The following PDE12 variants were observed in gnomAD, a reference collection of about 807,000 sequenced individuals.
PDE12 encodes 2',5'-phosphodiesterase 12.
In PDE12, 26 loss-of-function variants were observed where a neutral mutation model predicts 45.4. That is an observed-to-expected ratio of 0.57 (90% CI 0.42 to 0.79). The LOEUF is 0.79. Ranked by LOEUF, PDE12 falls within the 30% of genes least tolerant of loss-of-function variation. PDE12 has a pLI of 0.00. For synonymous variants in PDE12, 283 were observed against 323.9 expected (o/e 0.87, Z 1.36); for missense variants, 668 against 790.0 (o/e 0.85, Z 1.85).
chr3:57,624,236 C>T, the PDE12 span, among the ~76,000 whole-genome samples: 23 of 151,908 alleles, frequency 1.5e-4, no homozygotes, highest in Non-Finnish European at 2.8e-4. Context: ...CTGCAAGCTC[C>T]GCCTCCCAGG....
the PDE12 span, among the ~76,000 whole-genome samples, chr3:57,630,188 T>G: frequency 6.6e-6 from 1 of 152,150 alleles, no homozygotes; most frequent in East Asian, 1.9e-4. Flanking sequence ...GCCAAAAGTT[T>G]CCCATGATGC....
At chr3:57,619,777 G>A in the PDE12 span, among the ~76,000 whole-genome samples, 24,614 of 151,976 alleles carry the variant, frequency 0.16, 2,662 homozygotes, top group East Asian at 0.48. Flanking sequence ...TTAAACCCGG[G>A]AGGCAGAGGT....
the PDE12 span, chr3:57,627,860 T>C: frequency 5.6e-6 from 1 of 177,648 alleles, no homozygotes; most frequent in African/African-American, 2.4e-5. Context: ...TTTAACATGA[T>C]TGGGCAAAGC....
chr3:57,651,069 C>G, the PDE12 span, among the ~76,000 whole-genome samples: 1 of 152,202 alleles, frequency 6.6e-6, no homozygotes, highest in South Asian at 2.1e-4. Context: ...CAGGCGTGAG[C>G]CACTGCACCT....
At chr3:57,600,529 G>C in the PDE12 span, among the ~76,000 whole-genome samples, 7 of 144,804 alleles carry the variant, frequency 4.8e-5, no homozygotes, top group Non-Finnish European at 1.0e-4. Flanking sequence ...CTCCCAAGTA[G>C]CTGGGACCAC....
chr3:57,595,564 C>T, the PDE12 span, among the ~76,000 whole-genome samples: 1 of 152,202 alleles, frequency 6.6e-6, no homozygotes, highest in African/African-American at 2.4e-5. Context: ...GGAAAATAAA[C>T]ATGAGCCAAT....
the PDE12 span, among the ~76,000 whole-genome samples, chr3:57,588,906 C>G: frequency 6.6e-6 from 1 of 152,248 alleles, no homozygotes; most frequent in African/African-American, 2.4e-5. Context: ...AATTAGAGAC[C>G]AGCCTGACCA....
chr3:57,596,988 G>A, the PDE12 span: 1 of 1,429,364 alleles, frequency 7.0e-7, no homozygotes, highest in East Asian at 2.4e-5. Flanking sequence ...ACAGCGGGCG[G>A]AGGAAAAAAA....
chr3:57,599,582 G>A, the PDE12 span, among the ~76,000 whole-genome samples: 3 of 152,082 alleles, frequency 2.0e-5, no homozygotes, highest in South Asian at 2.1e-4. Flanking sequence ...AAAATAAATC[G>A]AAAGAATTCT....
the PDE12 span, among the ~76,000 whole-genome samples, chr3:57,642,085 C>T: frequency 1.3e-5 from 2 of 151,890 alleles, no homozygotes; most frequent in Non-Finnish European, 2.9e-5. Flanking sequence ...GAGGCTGAGG[C>T]GGGCAGATCA....
chr3:57,580,736 C>A, the PDE12 span, among the ~76,000 whole-genome samples: 1 of 151,402 alleles, frequency 6.6e-6, no homozygotes, highest in African/African-American at 2.4e-5. Flanking sequence ...CTAAAAGGGA[C>A]CTAATTTTAT....
chr3:57,626,901 G>C, the PDE12 span: 1 of 152,378 alleles, frequency 6.6e-6, no homozygotes, highest in Non-Finnish European at 1.5e-5. Flanking sequence ...AACAATAGTA[G>C]GAAAAGTGTT....
At chr3:57,610,953 G>A in the PDE12 span, among the ~76,000 whole-genome samples, 20,491 of 152,066 alleles carry the variant, frequency 0.13, 1,485 homozygotes, top group South Asian at 0.22. Flanking sequence ...AAAGAACAAA[G>A]CTGGAGGCAT....
chr3:57,581,555 C>A, the PDE12 span, among the ~76,000 whole-genome samples: 1 of 152,208 alleles, frequency 6.6e-6, no homozygotes, highest in Non-Finnish European at 1.5e-5. Context: ...AATCCCAGCA[C>A]TTTGGGAAGC....
the PDE12 span, among the ~76,000 whole-genome samples, chr3:57,610,532 C>T: frequency 6.6e-6 from 1 of 152,088 alleles, no homozygotes; most frequent in Non-Finnish European, 1.5e-5. Context: ...GCAACTTCAG[C>T]AAAGTCTCAG....
At chr3:57,587,156 TA>T in the PDE12 span, among the ~76,000 whole-genome samples, 1 of 151,748 alleles carries the variant, frequency 6.6e-6, no homozygotes, top group Non-Finnish European at 1.5e-5. Context: ...CCGTCTCTAC[TA>T]AAAATACAGA....
Position 57,560,979 on chromosome 3 carries a change from T to A in PDE12, c.*975T>A, listed in dbSNP as rs2069722758. The A allele has an allele frequency of 1.0e-6, 1 of 975,786 alleles. No individual in the cohort carries two copies. Among genetic ancestry groups the A allele is most frequent in the Non-Finnish European group, 1.2e-6 (1 of 820,896 alleles). The allele number at this position is 975,786 out of a possible 1,614,324, so 60.4% of individuals were successfully genotyped here. On this transcript the variant is annotated 3_prime_UTR_variant, in exon 3 of 3. Transcript: ENST00000311180. ...ATTTTTCAATGAACAAGTAAGGTAT[T>A]TTCATTCTTATTTTTAGGATTTTAG... is the stretch of plus-strand genomic sequence containing the variant.
At chr3:57,589,959 CG>C in the PDE12 span, among the ~76,000 whole-genome samples, 32 of 149,084 alleles carry the variant, frequency 2.1e-4, no homozygotes, top group Non-Finnish European at 3.3e-4. Flanking sequence ...GGCATGGTGG[CG>C]GGCGCCTGTA....
the PDE12 span, among the ~76,000 whole-genome samples, chr3:57,582,050 A>C: frequency 6.6e-6 from 1 of 152,174 alleles, no homozygotes; most frequent in Admixed American, 6.5e-5. Context: ...AGAATGCTCA[A>C]CTGGGTACAA....
Sources: allele counts gnomAD v4.1 joint callset (sites outside exome capture counted in the v4.1 genomes callset), GRCh38; gene constraint gnomAD v4.1.1; transcripts MANE v1.5; gene names NCBI Gene and HGNC (gene_info 2026-07-23, HGNC 2026-07-21).